MICAL2: variants seen among roughly 807,000 people sequenced by gnomAD.
The protein encoded by MICAL2 is [F-actin]-monooxygenase MICAL2.
MICAL2 carries 77 observed loss-of-function variants against 127.3 expected under a neutral mutation model. That is an observed-to-expected ratio of 0.60 (90% CI 0.50 to 0.73). The LOEUF (loss-of-function observed/expected upper bound fraction) is 0.73. MICAL2 is among the 30% of genes least tolerant of loss of function. MICAL2 has a pLI of 0.00. For missense variants in MICAL2, 1,351 were observed against 1,434.4 expected (o/e 0.94, Z 0.94); for synonymous variants, 570 against 551.1 (o/e 1.03, Z -0.48).
Position 12,227,224 on chromosome 11 carries a change from A to G in MICAL2, c.1995+93A>G, listed in dbSNP as rs1027715554. On this transcript the variant is annotated intron_variant, in intron 15 of 27. Transcript: ENST00000683283. The stretch of plus-strand genomic sequence containing the variant: ...GTCACATTCTCAGCCTGTTGAGGCT[A>G]GTAAGTTACATGGATCAGGCGCTCC... The G allele has an allele frequency of 6.6e-6, 6 of 907,780 alleles. No homozygotes were observed. In the African/African-American group the frequency reaches 8.5e-5, roughly 13 times the overall value. The allele number at this position is 907,780 out of a possible 1,614,324, so 56.2% of individuals were successfully genotyped here. A position where few individuals can be genotyped will look rare whatever the true frequency, so the allele number is the denominator to read the frequency against.
At chr11:12,355,335 G>A (rs1277539206) in intron 34 of MICAL2, among the ~76,000 whole-genome samples, 4 of 152,102 alleles carry the variant, frequency 2.6e-5, no homozygotes, top group East Asian at 1.9e-4. Context: ...TAAAGGAAAC[G>A]TTCCCTCCCA....
intron 3 of MICAL2, among the ~76,000 whole-genome samples, chr11:12,177,340 G>A (rs1856948678): frequency 6.6e-6 from 1 of 152,008 alleles, no homozygotes; most frequent in African/African-American, 2.4e-5. Context: ...TTTCGAATCA[G>A]GTTTTTTGTT....
chr11:12,242,746 A>C lies in MICAL2; in HGVS notation c.2632A>C (p.Met878Leu). ...GGAGAAGGCGGCTCACCTTGCCTCC[A>C]TGTTTGGACACGGGGATTTCCCGCA... The part of the protein sequence containing the change: ...IKEKAAHLAS[M>L]FGHGDFPQNK... The change falls in exon 20 of 28, where the codon ATG (methionine) becomes CTG (leucine). Residue 878 changes from methionine to leucine, a missense_variant. Transcript: ENST00000683283. 6 of 1,610,374 alleles carry C rather than the reference A, an allele frequency of 3.7e-6. No homozygotes were observed. The highest frequency in any genetic ancestry group is 5.1e-6 in the Non-Finnish European group (6 of 1,178,836).
Position 12,237,696 on chromosome 11 carries a change from A to G in MICAL2, c.2064+1451A>G, listed in dbSNP as rs144297559. ...ACGGTTTTGCTTTAAGTCAGTTTTA[A>G]CAAAGCAATATTCTTTCTAAATTCT... On this transcript the variant is annotated intron_variant, in intron 16 of 27. Transcript: ENST00000683283. Among the ~76,000 whole-genome samples the G allele has an allele frequency of 2.0e-3, 299 of 152,318 alleles. 1 individual carries two copies. In the Middle Eastern group the frequency reaches 0.024, roughly 12 times the overall value.
intron 15 of MICAL2, among the ~76,000 whole-genome samples, chr11:12,230,725 C>T (rs1858142652): frequency 6.7e-6 from 1 of 148,374 alleles, no homozygotes; most frequent in African/African-American, 2.6e-5. Context: ...CCCCCCCCAT[C>T]TTATTTTCCT....
chr11:12,113,395 A>T (rs1380935612), intron 1 of MICAL2, among the ~76,000 whole-genome samples: 1 of 152,072 alleles, frequency 6.6e-6, no homozygotes, highest in Non-Finnish European at 1.5e-5. Context: ...AACAACAACA[A>T]CAAAAAAGGT....
At chr11:12,215,589 G>A (rs1360367923) in intron 7 of MICAL2, among the ~76,000 whole-genome samples, 1 of 152,194 alleles carries the variant, frequency 6.6e-6, no homozygotes, top group Non-Finnish European at 1.5e-5. Context: ...GTTGGCCAGA[G>A]ACCTCCCTTT....
At chr11:12,271,647 G>T (rs1375094363), upstream of MICAL2, among the ~76,000 whole-genome samples, 1 of 152,166 alleles carries the variant, frequency 6.6e-6, no homozygotes, top group African/African-American at 2.4e-5. Flanking sequence ...TTTTGTTACT[G>T]TCATTAGCAT....
At chr11:12,189,750 G>A (rs964429180) in intron 3 of MICAL2, among the ~76,000 whole-genome samples, 8 of 152,194 alleles carry the variant, frequency 5.3e-5, no homozygotes, top group Admixed American at 2.6e-4. Context: ...TATGGCTCAC[G>A]TTCTGCAAGC....
rs777287062 is a variant in MICAL2, at chr11:12,209,542, C to T, written c.635C>T (p.Ser212Leu). ...AEFLPTDHSL[S>L]EFEFDVIIGA... ...TTTCTCCCTACAGACCATTCTCTGT[C>T]GGAGTTTGAGTTTGACGTCATCATT... The change falls in exon 6 of 28, where the codon TCG becomes TTG. Residue 212 changes from serine to leucine, a missense_variant. Physicochemically the swap from Ser to Leu is moderately radical, Grantham distance 145. Around this residue, in one of 2 missense-constraint regions of MICAL2, gnomAD observed 599 missense variants for 714.9 expected, o/e 0.84. Coordinates refer to ENST00000683283, the MANE Select transcript of MICAL2 (RefSeq NM_001282663.2). 18 of 1,614,142 alleles carry T rather than the reference C, an allele frequency of 1.1e-5. No individual in the cohort carries two copies. Among genetic ancestry groups the T allele is most frequent in the South Asian group, 1.1e-4 (10 of 91,082 alleles).
chr11:12,117,108 C>T (rs1365810827), intron 1 of MICAL2, among the ~76,000 whole-genome samples: 1 of 152,174 alleles, frequency 6.6e-6, no homozygotes, highest in Non-Finnish European at 1.5e-5. Context: ...GGTTAGATTT[C>T]TTTTGATGAA....
rs953999662 is a variant in MICAL2, at chr11:12,136,544, G to C, written c.-148-1846G>C. On this transcript the variant is annotated intron_variant, in intron 1 of 27. Transcript: ENST00000683283. Reference sequence around the variant, plus strand: ...TCTCTAAAAGTCAGGGTACCTGGAGGGGGGCAGCTGAATGGGGTCCTAGGT... The same window carrying C: ...TCTCTAAAAGTCAGGGTACCTGGAGCGGGGCAGCTGAATGGGGTCCTAGGT... 4.6e-5 allele frequency among the ~76,000 whole-genome samples: 7 copies of C among 152,214 alleles called. No homozygotes were observed. In the South Asian group the frequency reaches 1.2e-3, roughly 27 times the overall value.
chr11:12,182,282 G>A (rs115633965), intron 3 of MICAL2, among the ~76,000 whole-genome samples: 42 of 152,292 alleles, frequency 2.8e-4, no homozygotes, highest in African/African-American at 7.9e-4. Flanking sequence ...CCATAGAGCT[G>A]GGAATAGAGG....
chr11:12,163,549 A>T (rs1276496395), intron 3 of MICAL2: 1 of 152,336 alleles, frequency 6.6e-6, no homozygotes, highest in Non-Finnish European at 1.5e-5. Flanking sequence ...AGCCTGGGGC[A>T]CACTGACACT....
chr11:12,338,133 T>G (rs1309784255), intron 32 of MICAL2, among the ~76,000 whole-genome samples: 1 of 152,256 alleles, frequency 6.6e-6, no homozygotes, highest in African/African-American at 2.4e-5. Context: ...TGAATCTGTG[T>G]GCTCCTGTAT....
chr11:12,326,190 A>G (rs1178308059), intron 31 of MICAL2, among the ~76,000 whole-genome samples: 2 of 152,122 alleles, frequency 1.3e-5, no homozygotes, highest in East Asian at 3.9e-4. Context: ...GGGGAGTGAG[A>G]CAGAGTAAAG....
In MICAL2 at chr11:12,213,423, C is replaced by T. The variant is rs1270902824; in HGVS notation, c.847+13C>T. ...AAAGAAGAAACAGGTGGGACCTTCA[C>T]CTTTCTCCCAACCAGGCCAAGGTCT... On this transcript the variant is annotated intron_variant, in intron 7 of 27. Coordinates refer to ENST00000683283, the MANE Select transcript of MICAL2 (RefSeq NM_001282663.2). 1 of 1,610,224 alleles carries T rather than the reference C, an allele frequency of 6.2e-7. No individual in the cohort carries two copies. The highest frequency in any genetic ancestry group is 8.5e-7 in the Non-Finnish European group (1 of 1,177,826).
intron 1 of MICAL2, among the ~76,000 whole-genome samples, chr11:12,132,525 A>G (rs1851503530): frequency 6.6e-6 from 1 of 152,260 alleles, no homozygotes; most frequent in African/African-American, 2.4e-5. Context: ...ACCTGCCTGG[A>G]TAATCCCCCA....
At chr11:12,144,544 G>A (rs1053322586) in intron 2 of MICAL2, among the ~76,000 whole-genome samples, 10 of 152,132 alleles carry the variant, frequency 6.6e-5, no homozygotes, top group South Asian at 4.2e-4. Flanking sequence ...GAGAGGCAGC[G>A]TTCTTCCCCG....
Sources: gnomAD v4.1 joint callset for allele counts (sites outside exome capture counted in the v4.1 genomes callset) on GRCh38, gnomAD v4.1.1 for gene constraint, gnomAD v4.1.1 regional missense constraint, MANE v1.5 for transcripts, NCBI Gene and HGNC (gene_info 2026-07-23, HGNC 2026-07-21) for gene names.